DAPK3: variants seen among roughly 807,000 people sequenced by gnomAD.
DAPK3 encodes the protein death-associated protein kinase 3.
Under a neutral mutation model 30.6 loss-of-function variants are expected in DAPK3, and 24 were observed. The ratio of observed to expected loss-of-function variants is 0.78; its 90% confidence interval spans 0.57 to 1.10. The LOEUF is 1.10. Ranked by LOEUF, DAPK3 falls within the 50% of genes least tolerant of loss-of-function variation. The pLI is 0.00. For missense variants in DAPK3, 629 were observed against 657.3 expected (o/e 0.96, Z 0.47); for synonymous variants, 341 against 284.0 (o/e 1.20, Z -2.02).
intron 6 of DAPK3, 26 bp downstream of exon 6, chr19:3,963,617 C>T (rs973166083): frequency 1.0e-5 from 15 of 1,469,742 alleles, no homozygotes; most frequent in South Asian, 4.0e-5. Context: ...GTTGCACAGC[C>T]GAGGGGGCCC....
intron 4 of DAPK3, 149 bp from the exon 5 acceptor site, chr19:3,964,068 G>A: frequency 1.2e-6 from 1 of 810,050 alleles, no homozygotes; most frequent in Non-Finnish European, 2.0e-6. Context: ...CTGACGGGTA[G>A]GACAGCGGGG....
At chr19:3,961,331 C>T (rs2039509034) in intron 6 of DAPK3, 170 bp from the exon 7 acceptor site, 4 of 740,368 alleles carry the variant, frequency 5.4e-6, no homozygotes, top group African/African-American at 1.7e-5. Context: ...CCAGACACCA[C>T]CCAAGAGGCA....
chr19:3,958,585 G>A lies in DAPK3; in HGVS notation c.*516C>T, dbSNP rs1204941836. 18 of 449,662 alleles carry A rather than the reference G, an allele frequency of 4.0e-5. No individual in the cohort carries two copies. The highest frequency in any genetic ancestry group is 6.9e-5 in the East Asian group (1 of 14,428). 27.9% of individuals were successfully genotyped at this position (449,662 alleles called of 1,614,324 possible). A position where few individuals can be genotyped will look rare whatever the true frequency, so the allele number is the denominator to read the frequency against. ...CCACACCCGGGGGACCGGCCTCGGC[G>A]AGAAGGGCACACAGTGGAAGACCCC... On this transcript the variant is annotated 3_prime_UTR_variant, in exon 9 of 9. Transcript: ENST00000545797.
rs973700357 is a variant in DAPK3 at position 3,959,615 on chromosome 19, C to A, written c.851G>T (p.Arg284Leu). Reference sequence around the variant, plus strand: ...GGGCTTGCGGCCGCTGTCCTCACCACGCACGTTCCGCCGCCGGATCGCCTA... The same window carrying A: ...GGGCTTGCGGCCGCTGTCCTCACCAAGCACGTTCCGCCGCCGGATCGCCTA... ...WIKAIRRRNV[R>L]GEDSGRKPER... The change falls in exon 9 of 9, where the codon CGT (arginine) becomes CTT (leucine). Residue 284 changes from arginine to leucine, a missense_variant. Physicochemically the swap from Arg to Leu is moderately radical, Grantham distance 102. This residue lies in a region of DAPK3 where 323 missense variants were observed against 278.8 expected (regional missense o/e 1.16). Coordinates refer to ENST00000545797, the MANE Select transcript of DAPK3 (RefSeq NM_001348.3). 9 of 1,582,204 alleles carry A rather than the reference C, an allele frequency of 5.7e-6. No homozygotes were observed. In the African/African-American group the frequency reaches 1.1e-4, roughly 19 times the overall value.
rs757103038 is a variant in DAPK3 at position 3,961,017 on chromosome 19, T to C, written c.774A>G (p.Lys258=). ...CTGCCGGCCCCTCGTACTTGGGATC[T>C]TTGACGAGCAGCCGGCGAATGAAGT... is the stretch of plus-strand genomic sequence containing the variant. ...AKDFIRRLLV[K]DPKRRMTIAQ... The change falls in exon 7 of 9, where the codon AAA becomes AAG. Residue 258 remains lysine (K), a synonymous_variant. Coordinates refer to ENST00000545797, the MANE Select transcript of DAPK3 (RefSeq NM_001348.3). The C allele has an allele frequency of 6.2e-7, 1 of 1,613,558 alleles. No homozygotes were observed. Among genetic ancestry groups the C allele is most frequent in the Admixed American group, 1.7e-5 (1 of 59,944 alleles).
At chr19:3,966,654 C>A (rs941015969) in intron 2 of DAPK3, among the ~76,000 whole-genome samples, 1 of 152,216 alleles carries the variant, frequency 6.6e-6, no homozygotes, top group Non-Finnish European at 1.5e-5. Flanking sequence ...GAGTGGACTT[C>A]GGCCCCGGGG....
At position 3,964,649 on chromosome 19, in the gene DAPK3, G is replaced by T. The variant is rs144975421; in HGVS notation, c.405C>A (p.Ile135=). ...DGVHYLHSKR[I]AHFDLKPENI... Reference sequence around the variant, plus strand: ...GGCTCACCTTCAGGTCAAAGTGTGCGATGCGCTTAGAGTGCAGGTAGTGAA... The same window carrying T: ...GGCTCACCTTCAGGTCAAAGTGTGCTATGCGCTTAGAGTGCAGGTAGTGAA... Residue 135 remains isoleucine, a synonymous_variant, in exon 3 of 9, where the codon ATC becomes ATA. Coordinates refer to ENST00000545797, the MANE Select transcript of DAPK3 (RefSeq NM_001348.3). The T allele has an allele frequency of 3.0e-4, 487 of 1,610,214 alleles. No homozygotes were observed. Among genetic ancestry groups the T allele is most frequent in the Non-Finnish European group, 3.4e-4 (405 of 1,178,878 alleles).
At position 3,959,231 on chromosome 19, in the gene DAPK3, C is replaced by T. The variant is rs546562367; in HGVS notation, c.1235G>A (p.Arg412His). ...GTAGCGGTTCTCCAGGCGGCTGAAG[C>T]GGCGCTTGAGGCCGCTGGTCCCCAG... is the stretch of plus-strand genomic sequence containing the variant. ...ALLGTSGLKR[R>H]FSRLENRYEA... The change falls in exon 9 of 9, where the codon CGC becomes CAC. Residue 412 changes from arginine (R) to histidine (H), a missense_variant. Physicochemically the swap from Arg to His is conservative, Grantham distance 29. Coordinates refer to ENST00000545797, the MANE Select transcript of DAPK3 (RefSeq NM_001348.3). 1.2e-6 allele frequency: 2 copies of T among 1,600,210 alleles called. No individual in the cohort carries two copies. The highest frequency in any genetic ancestry group is 1.3e-5 in the African/African-American group (1 of 75,004).
chr19:3,971,047 G>A lies in DAPK3; in HGVS notation c.-221C>T, dbSNP rs1021798002. 1.3e-5 allele frequency: 2 copies of A among 153,802 alleles called. No individual in the cohort carries two copies. Among genetic ancestry groups the A allele is most frequent in the South Asian group, 1.8e-4 (1 of 5,550 alleles). 9.5% of individuals were successfully genotyped at this position (153,802 alleles called of 1,614,324 possible). ...CCTCCGCAGCCCGGAGAATACGGCCGGCGCCGCCGCGCTGGCCACCGCCGC... is the reference window on the plus strand; with the variant it reads ...CCTCCGCAGCCCGGAGAATACGGCCAGCGCCGCCGCGCTGGCCACCGCCGC... On this transcript the variant is annotated 5_prime_UTR_variant, in exon 1 of 9. Transcript: ENST00000545797.
Position 3,964,321 on chromosome 19 carries a change from A to T in DAPK3, c.476T>A (p.Leu159His). 2 of 1,613,304 alleles carry T rather than the reference A, an allele frequency of 1.2e-6. No homozygotes were observed. The highest frequency in any genetic ancestry group is 1.7e-6 in the Non-Finnish European group (2 of 1,179,302). ...DKNVPNPRIK[L>H]IDFGIAHKIE... ...CTTGTGCGCGATGCCGAAGTCGATG[A>T]GCTTGATTCGTGGGTTGGGCACGTT... is the stretch of plus-strand genomic sequence containing the variant. Residue 159 changes from leucine (L) to histidine (H), a missense_variant, in exon 4 of 9, where the codon CTC becomes CAC. Transcript: ENST00000545797.
rs532712890 is a variant in DAPK3 at position 3,958,764 on chromosome 19, T to C, written c.*337A>G. On this transcript the variant is annotated 3_prime_UTR_variant, in exon 9 of 9. Transcript: ENST00000545797. ...CTACCCGCAAACCCTCCTCCGGGCC[T>C]GAACCAGGGCTGCATTCGGGCCGCC... The C allele has an allele frequency of 3.2e-5, 15 of 468,904 alleles. No homozygotes were observed. Among genetic ancestry groups the C allele is most frequent in the African/African-American group, 2.8e-4 (14 of 50,136 alleles). 29.0% of individuals were successfully genotyped at this position (468,904 alleles called of 1,614,324 possible).
At chr19:3,965,443 CCT>C (rs2039567383) in intron 2 of DAPK3, among the ~76,000 whole-genome samples, 1 of 152,072 alleles carries the variant, frequency 6.6e-6, no homozygotes, top group Non-Finnish European at 1.5e-5. Flanking sequence ...ATGGTGAAAC[CCT>C]GTCTCTACCA....
chr19:3,969,080 C>G (rs1599184056), intron 2 of DAPK3, among the ~76,000 whole-genome samples: 1 of 152,170 alleles, frequency 6.6e-6, no homozygotes, highest in South Asian at 2.1e-4. Flanking sequence ...TTTAAACATC[C>G]AAGAGCTGGG....
At position 3,969,703 on chromosome 19, in the gene DAPK3, G is replaced by A. The variant is rs370300123; in HGVS notation, c.33C>T (p.Asp11=). The change falls in exon 2 of 9, where the codon GAC becomes GAT. Residue 11 remains aspartate, a synonymous_variant. Coordinates refer to ENST00000545797, the MANE Select transcript of DAPK3 (RefSeq NM_001348.3). MSTFRQEDVE[D]HYEMGEELGS... is the part of the protein sequence containing the mutation. ...CCAGCTCCTCCCCCATCTCATAATG[G>A]TCCTCCACGTCCTCCTGCCTGAACG... The A allele has an allele frequency of 4.3e-6, 7 of 1,611,838 alleles. No individual in the cohort carries two copies. The highest frequency in any genetic ancestry group is 3.3e-5 in the Admixed American group (2 of 59,980).
rs1401820456 is a variant in DAPK3, at chr19:3,960,091, T to C, written c.796A>G (p.Ile266Val). Residue 266 changes from isoleucine to valine, a missense_variant, in exon 8 of 9, where the codon ATT (isoleucine) becomes GTT (valine). Coordinates refer to ENST00000545797, the MANE Select transcript of DAPK3 (RefSeq NM_001348.3). ...LVKDPKRRMT[I>V]AQSLEHSWIK... Reference sequence around the variant, plus strand: ...CAGGAATGTTCCAGGCTCTGGGCAATGGTCATTCTCCGCCTGGAAGACCCC... The same window carrying C: ...CAGGAATGTTCCAGGCTCTGGGCAACGGTCATTCTCCGCCTGGAAGACCCC... 1 of 1,564,872 alleles carries C rather than the reference T, an allele frequency of 6.4e-7. No individual in the cohort carries two copies. The highest frequency in any genetic ancestry group is 8.8e-7 in the Non-Finnish European group (1 of 1,135,662).
At chr19:3,961,756 C>T (rs1226384135) in intron 6 of DAPK3, 9 of 328,310 alleles carry the variant, frequency 2.7e-5, no homozygotes, top group Admixed American at 3.8e-5. Flanking sequence ...GGAACAGCCT[C>T]AGACTGGAGG....
rs2039467204 is a variant in DAPK3, at chr19:3,958,696, TA to T, written c.*404del. On this transcript the variant is annotated 3_prime_UTR_variant, in exon 9 of 9. Transcript: ENST00000545797. ...CCCGTCCCACGACCTCCTCCTGGGC[TA>T]ATGGCAGCAACAGGCAGCACCCCGC... 5.7e-6 allele frequency: 2 copies of T among 347,992 alleles called. No individual in the cohort carries two copies. Among genetic ancestry groups the T allele is most frequent in the Non-Finnish European group, 1.1e-5 (2 of 177,364 alleles). The allele number at this position is 347,992 out of a possible 1,614,324, so 21.6% of individuals were successfully genotyped here. A position where few individuals can be genotyped will look rare whatever the true frequency, so the allele number is the denominator to read the frequency against.
At chr19:3,965,215 G>C (rs2039565020) in intron 2 of DAPK3, among the ~76,000 whole-genome samples, 1 of 152,248 alleles carries the variant, frequency 6.6e-6, no homozygotes, top group Non-Finnish European at 1.5e-5. Context: ...CCCTCCCAGG[G>C]CTATGCCCAG....
intron 2 of DAPK3, among the ~76,000 whole-genome samples, chr19:3,965,985 G>C (rs990187664): frequency 2.0e-5 from 3 of 152,018 alleles, no homozygotes; most frequent in African/African-American, 7.2e-5. Context: ...GGGTCTTGCC[G>C]TATTGCCCAG....
Sources: gnomAD v4.1 joint callset for allele counts (sites outside exome capture counted in the v4.1 genomes callset) on GRCh38, gnomAD v4.1.1 for gene constraint, gnomAD v4.1.1 regional missense constraint, MANE v1.5 for transcripts, NCBI Gene and HGNC (gene_info 2026-07-23, HGNC 2026-07-21) for gene names.